Variants in KIAA0319L observed in about 807,000 individuals in gnomAD.
The protein encoded by KIAA0319L is KIAA0319 like, also known as dyslexia-associated protein KIAA0319-like protein.
A neutral mutation model predicts 120.1 loss-of-function variants in KIAA0319L; 55 were observed. That is an observed-to-expected ratio of 0.46 (90% CI 0.37 to 0.57). The LOEUF is 0.57. Among genes scored for constraint, KIAA0319L ranks in the 20% least tolerant of loss-of-function variants. The pLI, the probability that KIAA0319L is intolerant of heterozygous loss-of-function variation, is 0.00. For synonymous variants in KIAA0319L, 398 were observed against 471.9 expected (o/e 0.84, Z 2.03); for missense variants, 1,049 against 1,255.3 (o/e 0.84, Z 2.48).
chr1:35,434,982 T>C lies in KIAA0319L; in HGVS notation c.3062A>G (p.Lys1021Arg). ...ATTCTGACCATGCAGGAGTTTGCCC[T>C]TCTCTCGGTCTGGCCATGTAAAGAT... ...DAIFTWPDREKGKLLHGQNGS... is the reference protein window; with the variant it reads ...DAIFTWPDRERGKLLHGQNGS... The change falls in exon 21 of 21, where the codon AAG becomes AGG. Residue 1021 changes from lysine (K) to arginine (R), a missense_variant. Transcript: ENST00000325722. 1 of 1,614,214 alleles carries C rather than the reference T, an allele frequency of 6.2e-7. No homozygotes were observed. Among genetic ancestry groups the C allele is most frequent in the Non-Finnish European group, 8.5e-7 (1 of 1,180,034 alleles).
intron 3 of KIAA0319L, among the ~76,000 whole-genome samples, chr1:35,503,868 T>C (rs1470471381): frequency 6.6e-6 from 1 of 151,936 alleles, no homozygotes; most frequent in Non-Finnish European, 1.5e-5. Context: ...ATACTAAGTA[T>C]ATTTTCCCTT....
chr1:35,536,581 G>A (rs1570992360), intron 2 of KIAA0319L, among the ~76,000 whole-genome samples: 1 of 152,212 alleles, frequency 6.6e-6, no homozygotes, highest in Admixed American at 6.5e-5. Flanking sequence ...GGTCACCTAG[G>A]TGAAAACAGG....
intron 8 of KIAA0319L, among the ~76,000 whole-genome samples, chr1:35,461,137 T>A (rs900727908): frequency 1.3e-4 from 19 of 151,928 alleles, no homozygotes; most frequent in East Asian, 3.8e-4. Flanking sequence ...AATCATTTTT[T>A]AAAAAAAAGA....
chr1:35,465,887 CTTG>C (rs1439762660), intron 7 of KIAA0319L, among the ~76,000 whole-genome samples: 3 of 152,082 alleles, frequency 2.0e-5, no homozygotes, highest in East Asian at 1.9e-4. Context: ...TCTCTTTTTG[CTTG>C]TTGTCATCTA....
intron 7 of KIAA0319L, among the ~76,000 whole-genome samples, 197 bp downstream of exon 7, chr1:35,466,411 G>A (rs1477190516): frequency 6.6e-6 from 1 of 152,142 alleles, no homozygotes; most frequent in East Asian, 1.9e-4. Flanking sequence ...CATGTGTCCA[G>A]CTCAGCATTC....
At chr1:35,443,148 C>G in intron 17 of KIAA0319L, 120 bp from the exon 18 acceptor site, 1 of 1,199,590 alleles carries the variant, frequency 8.3e-7, no homozygotes, top group Non-Finnish European at 1.2e-6. Flanking sequence ...GAAATGTCCT[C>G]GAGACCCACC....
At chr1:35,443,602 G>A (rs531074449) in intron 17 of KIAA0319L, among the ~76,000 whole-genome samples, 229 of 152,194 alleles carry the variant, frequency 1.5e-3, no homozygotes, top group Non-Finnish European at 2.6e-3. Flanking sequence ...AACCCGGGGG[G>A]GCGGAGGTTG....
chr1:35,446,186 G>A (rs1168242550), intron 16 of KIAA0319L, among the ~76,000 whole-genome samples: 4 of 152,026 alleles, frequency 2.6e-5, no homozygotes, highest in Admixed American at 6.6e-5. Flanking sequence ...GACAACCTCC[G>A]CAAGATTCTA....
rs184908707 is a variant in KIAA0319L, at chr1:35,454,254, G to A, written c.1780+108C>T. 2.1e-3 allele frequency: 2,401 copies of A among 1,132,360 alleles called. 1 individual carries two copies. The highest frequency in any genetic ancestry group is 2.8e-3 in the Admixed American group (136 of 48,238). 70.1% of individuals were successfully genotyped at this position (1,132,360 alleles called of 1,614,324 possible). A position where few individuals can be genotyped will look rare whatever the true frequency, so the allele number is the denominator to read the frequency against. On this transcript the variant is annotated intron_variant, in intron 11 of 20. Coordinates refer to ENST00000325722, the MANE Select transcript of KIAA0319L (RefSeq NM_024874.5). ...GAAGTCACCAGAGGCTCTATGGATC[G>A]GTGCCTTCTGCTTCTACCCTCATAC... is the stretch of plus-strand genomic sequence containing the variant.
At position 35,532,272 on chromosome 1, in the gene KIAA0319L, G is replaced by C. The variant is rs532338856; in HGVS notation, c.142+22078C>G. Among the ~76,000 whole-genome samples the C allele has an allele frequency of 9.2e-5, 14 of 151,574 alleles. No individual in the cohort carries two copies. The South Asian group carries it at 2.7e-3, about 29-fold the overall frequency. ...AAAAAAAAAGAGGAAGAGGTACTCT[G>C]ATCTCTCAGTTCACATGTTTAATTC... On this transcript the variant is annotated intron_variant, in intron 2 of 20. Coordinates refer to ENST00000325722, the MANE Select transcript of KIAA0319L (RefSeq NM_024874.5).
At chr1:35,457,722 G>T (rs1411152801) in intron 9 of KIAA0319L, among the ~76,000 whole-genome samples, 1 of 152,156 alleles carries the variant, frequency 6.6e-6, no homozygotes, top group African/African-American at 2.4e-5. Context: ...ACCAGCCACA[G>T]ACAGGGCCAG....
At chr1:35,544,916 C>T (rs1324240605) in intron 2 of KIAA0319L, among the ~76,000 whole-genome samples, 1 of 152,174 alleles carries the variant, frequency 6.6e-6, no homozygotes, top group East Asian at 1.9e-4. Flanking sequence ...CCCATAACTG[C>T]CCAGCTGTAT....
At position 35,453,488 on chromosome 1, in the gene KIAA0319L, G is replaced by A; in HGVS notation, c.1913+69C>T. The A allele has an allele frequency of 2.0e-6, 3 of 1,487,382 alleles. No homozygotes were observed. The highest frequency in any genetic ancestry group is 1.2e-5 in the South Asian group (1 of 84,272). 92.1% of individuals were successfully genotyped at this position (1,487,382 alleles called of 1,614,324 possible). ...AATAAGAGCAACTCAACTCATAATAGCAAATAAAACCTTGCTCTTCCAAGG... is the reference window on the plus strand; with the variant it reads ...AATAAGAGCAACTCAACTCATAATAACAAATAAAACCTTGCTCTTCCAAGG... On this transcript the variant is annotated intron_variant, in intron 12 of 20. Transcript: ENST00000325722. This position sits in a 1 kb window ranked among gnomAD's most constrained non-coding sequence, Gnocchi z 4.1.
At position 35,506,903 on chromosome 1, in the gene KIAA0319L, A is replaced by C. The variant is rs752417742; in HGVS notation, c.375T>G (p.Asn125Lys). The change falls in exon 3 of 21, where the codon AAT becomes AAG. Residue 125 changes from asparagine to lysine, a missense_variant. By Grantham distance (94) the Asn-to-Lys change is moderately conservative. Transcript: ENST00000325722. The surrounding 1 kb of genome is among the most constrained non-coding windows in gnomAD (Gnocchi z 4.0). Reference protein sequence around the residue: ...SCRAFRTHSSNSMLVFLKKFQ... With the variant: ...SCRAFRTHSSKSMLVFLKKFQ... ...ATTTTTTTAAAAACACCAGCATGGA[A>C]TTGGAGGAGTGTGTCCTAAAAGCCC... The C allele has an allele frequency of 6.2e-7, 1 of 1,614,202 alleles. No individual in the cohort carries two copies. The highest frequency in any genetic ancestry group is 1.1e-5 in the South Asian group (1 of 91,082).
intron 4 of KIAA0319L, among the ~76,000 whole-genome samples, chr1:35,476,398 A>G (rs546871980): frequency 6.6e-6 from 1 of 152,324 alleles, no homozygotes; most frequent in Non-Finnish European, 1.5e-5. Context: ...AAACTAGGAG[A>G]GCTTAAAGCA....
chr1:35,496,026 T>C (rs1644793946), intron 3 of KIAA0319L, among the ~76,000 whole-genome samples: 3 of 152,204 alleles, frequency 2.0e-5, no homozygotes, highest in Non-Finnish European at 4.4e-5. Context: ...TTAGCAAGAA[T>C]GTGGAGCAAC....
intron 2 of KIAA0319L, among the ~76,000 whole-genome samples, chr1:35,520,001 A>G (rs752943498): frequency 2.0e-5 from 3 of 152,152 alleles, no homozygotes; most frequent in African/African-American, 4.8e-5. Flanking sequence ...AATGGTCTCC[A>G]TTCTTATCAG....
intron 3 of KIAA0319L, among the ~76,000 whole-genome samples, chr1:35,483,950 A>C (rs568419128): frequency 6.6e-6 from 1 of 152,164 alleles, no homozygotes; most frequent in South Asian, 2.1e-4. Context: ...TCTACTCTTC[A>C]CGTGGCCTTC....
At position 35,434,866 on chromosome 1, in the gene KIAA0319L, C is replaced by T; in HGVS notation, c.*28G>A. 6.2e-7 allele frequency: 1 copy of T among 1,600,910 alleles called. No homozygotes were observed. Among genetic ancestry groups the T allele is most frequent in the South Asian group, 1.1e-5 (1 of 89,966 alleles). ...AGGACTGGCCGGGCAGTGTGCTGGG[C>T]CCTGCCCTGAGGAGACAGACCAGGT... On this transcript the variant is annotated 3_prime_UTR_variant, in exon 21 of 21. Transcript: ENST00000325722.
Sources: allele counts gnomAD v4.1 joint callset (sites outside exome capture counted in the v4.1 genomes callset), GRCh38; gene constraint gnomAD v4.1.1; non-coding constraint Gnocchi (gnomAD v3.1); transcripts MANE v1.5; gene names NCBI Gene and HGNC (gene_info 2026-07-23, HGNC 2026-07-21).